Variants in PLCB4 observed in about 807,000 individuals in gnomAD.
PLCB4 encodes 1-phosphatidylinositol 4,5-bisphosphate phosphodiesterase beta-4.
Under a neutral mutation model 178.8 loss-of-function variants are expected in PLCB4, and 77 were observed. The observed-to-expected ratio is 0.43, with a 90% CI of 0.36 to 0.52. The LOEUF is 0.52. PLCB4 is among the 20% of genes least tolerant of loss of function. The probability of loss-of-function intolerance (pLI) is 0.00; values close to 1 mark genes in which losing one functional copy is unlikely to be tolerated. For synonymous variants in PLCB4, 496 were observed against 490.8 expected (o/e 1.01, Z -0.14); for missense variants, 1,024 against 1,453.4 (o/e 0.70, Z 4.80).
chr20:9,477,558 T>G (rs575139031), intron 39 of PLCB4, among the ~76,000 whole-genome samples: 9 of 151,992 alleles, frequency 5.9e-5, no homozygotes, highest in Non-Finnish European at 1.2e-4. Context: ...TGATAATGTT[T>G]CACTGTCATC....
intron 15 of PLCB4, 120 bp from the exon 16 acceptor site, chr20:9,389,759 C>T: frequency 1.6e-6 from 1 of 606,984 alleles, no homozygotes; most frequent in Non-Finnish European, 2.9e-6. Flanking sequence ...GATGGGGGCT[C>T]CAGGTCTGAA....
chr20:9,232,350 A>G (rs1209116020), intron 3 of PLCB4, among the ~76,000 whole-genome samples: 3 of 152,138 alleles, frequency 2.0e-5, no homozygotes, highest in African/African-American at 7.2e-5. Context: ...CCCTAGAACA[A>G]TATAAAATCT....
chr20:9,220,468 C>A (rs531424732), intron 3 of PLCB4, among the ~76,000 whole-genome samples: 251 of 152,208 alleles, frequency 1.6e-3, no homozygotes, highest in African/African-American at 5.6e-3. Context: ...CCTGTCTCTA[C>A]TAAAAATACA....
intron 3 of PLCB4, among the ~76,000 whole-genome samples, chr20:9,253,951 A>T (rs774458001): frequency 7.9e-5 from 12 of 152,214 alleles, no homozygotes; most frequent in Non-Finnish European, 1.5e-4. Context: ...AGGTGCCATC[A>T]GTGCAAACAA....
At chr20:9,271,423 C>T (rs1291964794) in intron 3 of PLCB4, among the ~76,000 whole-genome samples, 1 of 152,108 alleles carries the variant, frequency 6.6e-6, no homozygotes, top group East Asian at 1.9e-4. Flanking sequence ...AGTTACCATT[C>T]CCAGGATTTA....
At chr20:9,097,876 T>C (rs73609408) in intron 2 of PLCB4, among the ~76,000 whole-genome samples, 3,344 of 152,248 alleles carry the variant, frequency 0.022, 113 homozygotes, top group African/African-American at 0.074. Context: ...TACATTGATT[T>C]CCAAATTGGA....
chr20:9,256,086 G>A (rs2094232271), intron 3 of PLCB4, among the ~76,000 whole-genome samples: 1 of 152,156 alleles, frequency 6.6e-6, no homozygotes, highest in Admixed American at 6.5e-5. Flanking sequence ...AAGCATTAAA[G>A]TTCTCGTATA....
chr20:9,332,904 T>C (rs1161985521), intron 4 of PLCB4, among the ~76,000 whole-genome samples: 1 of 152,198 alleles, frequency 6.6e-6, no homozygotes, highest in African/African-American at 2.4e-5. Context: ...CCTGGTTCAA[T>C]AGGAATTCCC....
chr20:9,185,103 A>T (rs554768445), intron 2 of PLCB4, among the ~76,000 whole-genome samples: 2 of 152,016 alleles, frequency 1.3e-5, no homozygotes, highest in Non-Finnish European at 2.9e-5. Context: ...GGGTCTCACT[A>T]TGTAGTGCAG....
chr20:9,172,679 G>T (rs541483991), intron 2 of PLCB4, among the ~76,000 whole-genome samples: 1 of 151,950 alleles, frequency 6.6e-6, no homozygotes, highest in African/African-American at 2.4e-5. Context: ...ATTGTTGGCC[G>T]AGTGCCTGAA....
At chr20:9,290,311 AT>A (rs2094569642) in intron 3 of PLCB4, among the ~76,000 whole-genome samples, 1 of 152,048 alleles carries the variant, frequency 6.6e-6, no homozygotes, top group Non-Finnish European at 1.5e-5. Context: ...AAGAAGCTCC[AT>A]TTTCTCTCTC....
chr20:9,478,877 A>G (rs372751696), intron 39 of PLCB4, 44 bp from the exon 40 acceptor site: 18 of 1,450,140 alleles, frequency 1.2e-5, no homozygotes, highest in Middle Eastern at 1.7e-4. Flanking sequence ...GTGCCTTCAG[A>G]TAAGGATTTC....
intron 3 of PLCB4, among the ~76,000 whole-genome samples, chr20:9,254,150 A>T (rs549592620): frequency 6.6e-6 from 1 of 152,340 alleles, no homozygotes; most frequent in African/African-American, 2.4e-5. Context: ...TAAGAAGACT[A>T]ATCTAAAATT....
At chr20:9,428,047 G>A (rs1033159792) in intron 28 of PLCB4, among the ~76,000 whole-genome samples, 2 of 151,878 alleles carry the variant, frequency 1.3e-5, no homozygotes, top group South Asian at 2.1e-4. Context: ...TACATCTTGG[G>A]TCTCTGCCCA....
chr20:9,076,787 A>G (rs2089890291), intron 1 of PLCB4, among the ~76,000 whole-genome samples: 1 of 152,022 alleles, frequency 6.6e-6, no homozygotes, highest in African/African-American at 2.4e-5. Flanking sequence ...CCAAGATGCT[A>G]TTATTGGACA....
At chr20:9,325,657 A>G (rs1183006395) in intron 4 of PLCB4, among the ~76,000 whole-genome samples, 1 of 152,182 alleles carries the variant, frequency 6.6e-6, no homozygotes, top group Non-Finnish European at 1.5e-5. Context: ...TTTAACATCT[A>G]TATCGTCAAG....
intron 4 of PLCB4, among the ~76,000 whole-genome samples, chr20:9,333,382 C>T (rs943035631): frequency 6.6e-6 from 1 of 151,916 alleles, no homozygotes; most frequent in African/African-American, 2.4e-5. Context: ...GCCTGATGCA[C>T]CAAGGGCAGT....
intron 3 of PLCB4, among the ~76,000 whole-genome samples, chr20:9,264,752 G>A (rs2094332259): frequency 6.6e-6 from 1 of 152,134 alleles, no homozygotes; most frequent in South Asian, 2.1e-4. Flanking sequence ...AATCACCTGG[G>A]GAGCTTTGAC....
rs2037020046 is a variant in PLCB4 at position 9,380,167 on chromosome 20, T to C, written c.853+5T>C. 9 of 1,355,682 alleles carry C rather than the reference T, an allele frequency of 6.6e-6. No homozygotes were observed. The highest frequency in any genetic ancestry group is 9.1e-6 in the Non-Finnish European group (9 of 983,750). 84.0% of individuals were successfully genotyped at this position (1,355,682 alleles called of 1,614,324 possible). A position where few individuals can be genotyped will look rare whatever the true frequency, so the allele number is the denominator to read the frequency against. On this transcript the variant is annotated splice_donor_5th_base_variant and intron_variant, in intron 13 of 39. Coordinates refer to ENST00000378473, the MANE Select transcript of PLCB4 (RefSeq NM_001377142.1). Reference sequence around the variant, plus strand: ...ATGAAGATTTGAAGAAAAAAGGTAATAAACATGAAAAAAGGACTTAAAAAA... The same window carrying C: ...ATGAAGATTTGAAGAAAAAAGGTAACAAACATGAAAAAAGGACTTAAAAAA...
Sources: allele counts gnomAD v4.1 joint callset (sites outside exome capture counted in the v4.1 genomes callset), GRCh38; gene constraint gnomAD v4.1.1; transcripts MANE v1.5; gene names NCBI Gene and HGNC (gene_info 2026-07-23, HGNC 2026-07-21).